Variants in IQCH observed in about 807,000 individuals in gnomAD.
IQCH encodes the protein IQ domain-containing protein H.
A neutral mutation model predicts 117.0 loss-of-function variants in IQCH; 98 were observed. The observed-to-expected ratio is 0.84, with a 90% CI of 0.71 to 0.99. The LOEUF (loss-of-function observed/expected upper bound fraction) is 0.99, where lower values mean the gene tolerates loss of function less well. IQCH is among the 50% of genes least tolerant of loss of function. IQCH has a pLI of 0.00. For synonymous variants in IQCH, 412 were observed against 448.2 expected, an observed-to-expected ratio of 0.92 and a Z score of 1.02; for missense variants, 1,102 against 1,243.8, an observed-to-expected ratio of 0.89 and a Z score of 1.72.
At position 67,390,159 on chromosome 15, in the gene IQCH, C is replaced by T. The variant is rs763292895; in HGVS notation, c.1632+1153C>T. On this transcript the variant is annotated intron_variant, in intron 12 of 20. Transcript: ENST00000335894. This position sits in a 1 kb window ranked among gnomAD's most constrained non-coding sequence, Gnocchi z 5.0. ...GAAAGGACAAGTGACAAATCACTGC[C>T]GTTTATGTACATTCTTGGGAACCTT... 7.9e-5 allele frequency among the ~76,000 whole-genome samples: 12 copies of T among 152,114 alleles called. No individual in the cohort carries two copies. Among genetic ancestry groups the T allele is most frequent in the Non-Finnish European group, 1.2e-4 (8 of 68,016 alleles).
intron 1 of IQCH, chr15:67,255,278 A>C: frequency 2.8e-6 from 1 of 359,554 alleles, no homozygotes; most frequent in Non-Finnish European, 5.2e-6. Context: ...ATTTGAACCC[A>C]TGACGTCGGG....
rs1320836986 is a variant in IQCH at position 67,473,261 on chromosome 15, T to C, written c.2677-2435T>C. On this transcript the variant is annotated intron_variant, in intron 17 of 20. Transcript: ENST00000335894. The surrounding 1 kb of genome is among the most constrained non-coding windows in gnomAD (Gnocchi z 4.9). ...AAGCCCATGCTTCTGGGCTTTTCAG[T>C]GTGAAGGTGAGAGCATGGCCAGCCC... Among the ~76,000 whole-genome samples the C allele has an allele frequency of 6.6e-6, 1 of 152,218 alleles. No individual in the cohort carries two copies. The highest frequency in any genetic ancestry group is 2.4e-5 in the African/African-American group (1 of 41,448).
At chr15:67,367,870 C>T (rs1453712457) in intron 8 of IQCH, among the ~76,000 whole-genome samples, 1 of 152,128 alleles carries the variant, frequency 6.6e-6, no homozygotes, top group Non-Finnish European at 1.5e-5. Context: ...TGTTTAGGAA[C>T]AGAATTTTGT....
intron 6 of IQCH, among the ~76,000 whole-genome samples, chr15:67,355,171 C>T (rs1043999890): frequency 1.3e-5 from 2 of 152,130 alleles, no homozygotes; most frequent in Admixed American, 6.5e-5. Flanking sequence ...TTGAGACATA[C>T]TAAAAACTTA....
intron 16 of IQCH, among the ~76,000 whole-genome samples, chr15:67,429,809 A>G (rs551001625): frequency 3.9e-5 from 6 of 152,352 alleles, no homozygotes; most frequent in East Asian, 1.9e-4. Flanking sequence ...AATGACAGCA[A>G]TGCCTCAAGG....
rs371608969 is a variant in IQCH, at chr15:67,395,518, T to C, written c.1860T>C (p.Asn620=). 6.9e-5 allele frequency: 112 copies of C among 1,614,018 alleles called. 1 individual carries two copies. In the African/African-American group the frequency reaches 1.4e-3, roughly 20 times the overall value. Residue 620 remains asparagine, a synonymous_variant, in exon 13 of 21, where the codon AAT becomes AAC. Transcript: ENST00000335894. The surrounding 1 kb of genome is among the most constrained non-coding windows in gnomAD (Gnocchi z 4.0). ...GCAAACGTGTCTTTGACAGTGCCAA[T>C]GTGGCAGTTCCTCCTGGAATATATG... The part of the protein sequence containing the change: ...SGGKRVFDSA[N]VAVPPGIYDI...
rs1363919683 is a variant in IQCH, at chr15:67,453,130, T to C, written c.2506-11997T>C. On this transcript the variant is annotated intron_variant, in intron 16 of 20. Coordinates refer to ENST00000335894, the MANE Select transcript of IQCH (RefSeq NM_001031715.3). This position sits in a 1 kb window ranked among gnomAD's most constrained non-coding sequence, Gnocchi z 5.8. ...TTATTCTAGTTATCCATTCGTCTAA[T>C]TTTTTTTCAAAGCTTTTAACTTCTT... Among the ~76,000 whole-genome samples, 1 of 152,088 alleles carries C rather than the reference T, an allele frequency of 6.6e-6. No individual in the cohort carries two copies. Among genetic ancestry groups the C allele is most frequent in the African/African-American group, 2.4e-5 (1 of 41,422 alleles).
At chr15:67,298,172 G>C (rs1365973705) in intron 4 of IQCH, among the ~76,000 whole-genome samples, 1 of 151,922 alleles carries the variant, frequency 6.6e-6, no homozygotes, top group African/African-American at 2.4e-5. Context: ...AGCCAGGTGT[G>C]GTGTCGTAGC....
In IQCH at chr15:67,411,293, G is replaced by T. The variant is rs1398690304; in HGVS notation, c.2098-5638G>T. On this transcript the variant is annotated intron_variant, in intron 14 of 20. Transcript: ENST00000335894. This position sits in a 1 kb window ranked among gnomAD's most constrained non-coding sequence, Gnocchi z 4.4. ...GGGAGCACTTACCCAGGAGTCAGAG[G>T]CAGCCAGAGAGCACCTGCGGCCTCC... 6.6e-6 allele frequency among the ~76,000 whole-genome samples: 1 copy of T among 152,158 alleles called. No homozygotes were observed. The highest frequency in any genetic ancestry group is 1.5e-5 in the Non-Finnish European group (1 of 68,026).
chr15:67,462,527 G>A (rs968862226), intron 16 of IQCH, among the ~76,000 whole-genome samples: 33 of 151,722 alleles, frequency 2.2e-4, no homozygotes, highest in Non-Finnish European at 4.6e-4. Context: ...TTACACTTAA[G>A]GATACTGAGA....
rs1971185342 is a variant in IQCH, at chr15:67,388,720, G to A, written c.1457-111G>A. 3 of 901,172 alleles carry A rather than the reference G, an allele frequency of 3.3e-6. No individual in the cohort carries two copies. The highest frequency in any genetic ancestry group is 5.1e-6 in the Non-Finnish European group (3 of 589,194). 55.8% of individuals were successfully genotyped at this position (901,172 alleles called of 1,614,324 possible). A position where few individuals can be genotyped will look rare whatever the true frequency, so the allele number is the denominator to read the frequency against. The stretch of plus-strand genomic sequence containing the variant: ...AACCAAACTAAATTAACCTTAACCT[G>A]GGTTTTGGATATGCTCTTTATTTTA... On this transcript the variant is annotated intron_variant, in intron 11 of 20. Transcript: ENST00000335894. The surrounding 1 kb of genome is among the most constrained non-coding windows in gnomAD (Gnocchi z 5.5).
chr15:67,488,330 A>G (rs1445732769), intron 18 of IQCH, among the ~76,000 whole-genome samples: 2 of 152,174 alleles, frequency 1.3e-5, no homozygotes, highest in South Asian at 2.1e-4. Context: ...AAAACACAAA[A>G]CAAACAAAAA....
intron 1 of IQCH, 136 bp from the exon 2 acceptor site, chr15:67,261,136 C>T (rs1409927122): frequency 3.9e-6 from 2 of 512,036 alleles, no homozygotes; most frequent in African/African-American, 2.0e-5. Flanking sequence ...TAAAAGTGGT[C>T]CTTTTCAATG....
intron 4 of IQCH, among the ~76,000 whole-genome samples, chr15:67,279,811 G>T (rs1966275138): frequency 6.6e-6 from 1 of 152,118 alleles, no homozygotes; most frequent in African/African-American, 2.4e-5. Flanking sequence ...GACCATCCTG[G>T]CTAACATGGT....
chr15:67,324,151 C>T (rs1339415208), intron 4 of IQCH, among the ~76,000 whole-genome samples: 1 of 151,620 alleles, frequency 6.6e-6, no homozygotes, highest in Admixed American at 6.6e-5. Flanking sequence ...ACCATGTTGG[C>T]CAGGCTGCTG....
intron 6 of IQCH, among the ~76,000 whole-genome samples, chr15:67,355,033 T>C (rs2140728148): frequency 6.6e-6 from 1 of 152,320 alleles, no homozygotes; most frequent in South Asian, 2.1e-4. Context: ...TGTCCAGGGA[T>C]AGGGTTAGAG....
intron 14 of IQCH, among the ~76,000 whole-genome samples, chr15:67,415,493 C>T (rs541108130): frequency 3.9e-4 from 60 of 152,190 alleles, no homozygotes; most frequent in East Asian, 9.6e-4. Flanking sequence ...CTGGATATTT[C>T]GGAAGTTATT....
chr15:67,260,591 T>C (rs1367652266), intron 1 of IQCH, among the ~76,000 whole-genome samples: 4 of 152,184 alleles, frequency 2.6e-5, no homozygotes, highest in African/African-American at 9.7e-5. Flanking sequence ...AGTTTTTTGT[T>C]TTCTTTCCTC....
intron 4 of IQCH, among the ~76,000 whole-genome samples, chr15:67,303,579 A>G (rs887963231): frequency 1.3e-5 from 2 of 152,112 alleles, no homozygotes; most frequent in Admixed American, 6.6e-5. Context: ...TCTAACATGC[A>G]TTTTGTGAAT....
Sources: gnomAD v4.1 joint callset for allele counts (sites outside exome capture counted in the v4.1 genomes callset) on GRCh38, gnomAD v4.1.1 for gene constraint, Gnocchi (gnomAD v3.1) non-coding constraint, MANE v1.5 for transcripts, NCBI Gene and HGNC (gene_info 2026-07-23, HGNC 2026-07-21) for gene names.